NXPH1: variants seen among roughly 807,000 people sequenced by gnomAD.
NXPH1 encodes neurexophilin-1.
NXPH1 carries 5 observed loss-of-function variants against 23.7 expected under a neutral mutation model. That is an observed-to-expected ratio of 0.21 (90% CI 0.11 to 0.44). NXPH1 has a LOEUF of 0.44. NXPH1 is among the 20% of genes least tolerant of loss of function. The probability of loss-of-function intolerance (pLI) is 0.99; values close to 1 mark genes in which losing one functional copy is unlikely to be tolerated. For synonymous variants in NXPH1, 144 were observed against 122.2 expected (o/e 1.18, Z -1.18); for missense variants, 324 against 321.6 (o/e 1.01, Z -0.06).
intron 2 of NXPH1, among the ~76,000 whole-genome samples, chr7:8,521,523 T>C (rs1817770851): frequency 1.3e-5 from 2 of 152,230 alleles, no homozygotes; most frequent in African/African-American, 4.8e-5. Context: ...CATGGTATCC[T>C]TGAAGGCCAG....
intron 2 of NXPH1, among the ~76,000 whole-genome samples, chr7:8,646,178 T>A (rs1251825356): frequency 1.3e-5 from 2 of 152,164 alleles, no homozygotes; most frequent in Non-Finnish European, 2.9e-5. Context: ...TTTAACTTTT[T>A]CTATGATGAC....
At chr7:8,739,067 G>A (rs188838402) in intron 2 of NXPH1, among the ~76,000 whole-genome samples, 1 of 151,170 alleles carries the variant, frequency 6.6e-6, no homozygotes, top group Admixed American at 6.6e-5. Flanking sequence ...TGGGCTCCTT[G>A]GGGGTGGGAT....
At chr7:8,619,065 T>C (rs1228622124) in intron 2 of NXPH1, among the ~76,000 whole-genome samples, 1 of 152,206 alleles carries the variant, frequency 6.6e-6, no homozygotes, top group African/African-American at 2.4e-5. Context: ...GTGACATTAA[T>C]GTGCTATTTT....
rs111579783 is a variant in NXPH1, at chr7:8,749,605, G to C, written c.55-1403G>C. ...GGAATGACCATTCATTTTAAGAACAGTGTGGAAGGAGACTGGAGGGTCCAA... is the reference window on the plus strand; with the variant it reads ...GGAATGACCATTCATTTTAAGAACACTGTGGAAGGAGACTGGAGGGTCCAA... On this transcript the variant is annotated intron_variant, in intron 2 of 2. Coordinates refer to ENST00000405863, the MANE Select transcript of NXPH1 (RefSeq NM_152745.3). Among the ~76,000 whole-genome samples the C allele has an allele frequency of 1.8e-3, 280 of 152,300 alleles. 1 individual carries two copies. Among genetic ancestry groups the C allele is most frequent in the African/African-American group, 6.6e-3 (273 of 41,564 alleles).
At chr7:8,706,802 C>T (rs1288013535) in intron 2 of NXPH1, among the ~76,000 whole-genome samples, 1 of 152,126 alleles carries the variant, frequency 6.6e-6, no homozygotes, top group Non-Finnish European at 1.5e-5. Context: ...TCTGTGGGTA[C>T]CCCATTGAAG....
chr7:8,452,528 A>G (rs779300204), intron 2 of NXPH1, among the ~76,000 whole-genome samples: 1 of 152,122 alleles, frequency 6.6e-6, no homozygotes, highest in Non-Finnish European at 1.5e-5. Context: ...AAGGAGATGT[A>G]AAGGCCTTGG....
At chr7:8,591,407 A>G (rs183488290) in intron 2 of NXPH1, among the ~76,000 whole-genome samples, 29 of 152,192 alleles carry the variant, frequency 1.9e-4, no homozygotes, top group African/African-American at 6.7e-4. Context: ...TTAGTTGACT[A>G]AGATGGCTGT....
At chr7:8,619,949 A>G (rs191255487) in intron 2 of NXPH1, among the ~76,000 whole-genome samples, 100 of 152,276 alleles carry the variant, frequency 6.6e-4, no homozygotes, top group Middle Eastern at 6.8e-3. Context: ...CCAAGACTTA[A>G]GGCTGTTAAC....
chr7:8,510,628 G>C (rs1384626179), intron 2 of NXPH1, among the ~76,000 whole-genome samples: 1 of 152,092 alleles, frequency 6.6e-6, no homozygotes, highest in Non-Finnish European at 1.5e-5. Flanking sequence ...GGGCACAAAA[G>C]CATGGAAAGC....
At chr7:8,554,622 T>C (rs193253810) in intron 2 of NXPH1, among the ~76,000 whole-genome samples, 29 of 151,818 alleles carry the variant, frequency 1.9e-4, no homozygotes, top group Admixed American at 1.9e-3. Flanking sequence ...CAAAAGAGTA[T>C]TTGGGTAGAA....
intron 2 of NXPH1, among the ~76,000 whole-genome samples, chr7:8,548,174 C>T (rs1240569741): frequency 6.6e-6 from 1 of 151,396 alleles, no homozygotes; most frequent in African/African-American, 2.4e-5. Flanking sequence ...TTGAAGTTGA[C>T]CTGTTTGAAA....
chr7:8,503,233 A>G (rs988255856), intron 2 of NXPH1, among the ~76,000 whole-genome samples: 4 of 152,028 alleles, frequency 2.6e-5, no homozygotes, highest in Non-Finnish European at 2.9e-5. Flanking sequence ...TATTATCCTT[A>G]TTTTATAGAT....
chr7:8,638,543 G>A (rs1159239000), intron 2 of NXPH1, among the ~76,000 whole-genome samples: 1 of 152,196 alleles, frequency 6.6e-6, no homozygotes. Context: ...TGGTGAGAAC[G>A]AAGGAATGCC....
intron 2 of NXPH1, among the ~76,000 whole-genome samples, chr7:8,525,154 T>C (rs2128616407): frequency 1.3e-5 from 2 of 152,284 alleles, no homozygotes; most frequent in East Asian, 3.9e-4. Flanking sequence ...TGGTCTCAGA[T>C]GGAGAAGAGG....
intron 2 of NXPH1, among the ~76,000 whole-genome samples, chr7:8,440,082 C>T (rs1430604590): frequency 6.6e-6 from 1 of 152,116 alleles, no homozygotes; most frequent in Non-Finnish European, 1.5e-5. Context: ...TACTACAGAC[C>T]AGCCTTTTAG....
rs574262883 is a variant in NXPH1, at chr7:8,728,033, C to G, written c.55-22975C>G. Among the ~76,000 whole-genome samples the G allele has an allele frequency of 5.4e-4, 82 of 150,472 alleles. 1 individual carries two copies. Among genetic ancestry groups the G allele is most frequent in the African/African-American group, 1.7e-3 (71 of 40,942 alleles). ...TTTCCTTGAGCAGTGGTTTGTAGTT[C>G]TCCTTGAAGAGGTCCTTCACATCCC... On this transcript the variant is annotated intron_variant, in intron 2 of 2. Coordinates refer to ENST00000405863, the MANE Select transcript of NXPH1 (RefSeq NM_152745.3).
At chr7:8,602,273 T>A (rs868325261) in intron 2 of NXPH1, among the ~76,000 whole-genome samples, 3 of 152,232 alleles carry the variant, frequency 2.0e-5, no homozygotes, top group Non-Finnish European at 2.9e-5. Context: ...CAAATTTTTC[T>A]TCCTTCATTA....
chr7:8,674,780 A>C (rs544679014), intron 2 of NXPH1, among the ~76,000 whole-genome samples: 3 of 152,234 alleles, frequency 2.0e-5, no homozygotes, highest in African/African-American at 7.2e-5. Context: ...ACCAAAGAGT[A>C]AATCATGCTC....
At position 8,648,721 on chromosome 7, in the gene NXPH1, G is replaced by T. The variant is rs551603857; in HGVS notation, c.55-102287G>T. On this transcript the variant is annotated intron_variant, in intron 2 of 2. Coordinates refer to ENST00000405863, the MANE Select transcript of NXPH1 (RefSeq NM_152745.3). ...TTCTTTGGAGCAGATCTCTGTATTT[G>T]TACATTAAACCAAATGTGTTTTCTT... Among the ~76,000 whole-genome samples, 15 of 152,176 alleles carry T rather than the reference G, an allele frequency of 9.9e-5. No homozygotes were observed. The South Asian group carries it at 2.9e-3, about 29-fold the overall frequency.
Sources: gnomAD v4.1 joint callset for allele counts (sites outside exome capture counted in the v4.1 genomes callset) on GRCh38, gnomAD v4.1.1 for gene constraint, MANE v1.5 for transcripts, NCBI Gene and HGNC (gene_info 2026-07-23, HGNC 2026-07-21) for gene names.